The following ABL2 variants were observed in gnomAD, a reference collection of about 807,000 sequenced individuals.
The protein encoded by ABL2 is ABL proto-oncogene 2, non-receptor tyrosine kinase, also known as tyrosine-protein kinase ABL2.
A neutral mutation model predicts 107.7 loss-of-function variants in ABL2; 49 were observed. That is an observed-to-expected ratio of 0.45 (90% CI 0.36 to 0.58). The LOEUF (loss-of-function observed/expected upper bound fraction) is 0.58, where lower values mean the gene tolerates loss of function less well. Among genes scored for constraint, ABL2 ranks in the 20% least tolerant of loss-of-function variants. The pLI is 0.00. For synonymous variants in ABL2, 549 were observed against 548.6 expected (o/e 1.00, Z -0.01); for missense variants, 1,245 against 1,457.0 (o/e 0.85, Z 2.37).
intron 4 of ABL2, among the ~76,000 whole-genome samples, chr1:179,122,410 T>C (rs1271457231): frequency 2.0e-5 from 3 of 151,778 alleles, no homozygotes; most frequent in Non-Finnish European, 2.9e-5. Context: ...TGGGCCAGTA[T>C]ACCCAGCAAG....
intron 4 of ABL2, 124 bp from the exon 5 acceptor site, chr1:179,121,991 T>G: frequency 1.0e-6 from 1 of 965,570 alleles, no homozygotes. Flanking sequence ...ACTGGCGCGA[T>G]CTCGGCTCAC....
At chr1:179,199,170 T>C (rs890409388) in intron 1 of ABL2, among the ~76,000 whole-genome samples, 35 of 152,106 alleles carry the variant, frequency 2.3e-4, no homozygotes, top group African/African-American at 8.5e-4. Flanking sequence ...CTGGAAGCAT[T>C]TGTGATGAGG....
chr1:179,135,783 T>G (rs1456494647), intron 1 of ABL2, among the ~76,000 whole-genome samples: 200 of 60,832 alleles, frequency 3.3e-3, no homozygotes, highest in Middle Eastern at 0.011. Flanking sequence ...GGTGGGGGGG[T>G]CAGCCCCCCG....
intron 1 of ABL2, among the ~76,000 whole-genome samples, chr1:179,140,305 C>T (rs1033077094): frequency 2.4e-4 from 37 of 152,310 alleles, no homozygotes; most frequent in Middle Eastern, 3.4e-3. Flanking sequence ...GCCTAAAACA[C>T]TCTTCCCCAT....
chr1:179,140,115 C>T (rs11799509), intron 1 of ABL2, among the ~76,000 whole-genome samples: 3,345 of 152,296 alleles, frequency 0.022, 66 homozygotes, highest in Middle Eastern at 0.054. Context: ...TTCAAAGGTT[C>T]CCCATTTTAG....
At chr1:179,127,354 C>T (rs867772007) in intron 3 of ABL2, among the ~76,000 whole-genome samples, 6 of 152,118 alleles carry the variant, frequency 3.9e-5, no homozygotes, top group South Asian at 4.1e-4. Context: ...CTTCCTAGTT[C>T]CCACAAAGAA....
At chr1:179,178,363 C>T (rs985893141) in intron 1 of ABL2, among the ~76,000 whole-genome samples, 2 of 131,888 alleles carry the variant, frequency 1.5e-5, no homozygotes, top group Admixed American at 9.3e-5. Flanking sequence ...GATCCCGCCA[C>T]TGCATTCCAG....
At chr1:179,215,520 G>T (rs1436946814) in intron 1 of ABL2, among the ~76,000 whole-genome samples, 1 of 152,028 alleles carries the variant, frequency 6.6e-6, no homozygotes. Context: ...GATCACTTGA[G>T]GCCTGGAGTT....
chr1:179,099,959 G>T lies in ABL2; in HGVS notation c.*7759C>A. 4.3e-6 allele frequency: 1 copy of T among 232,588 alleles called. No homozygotes were observed. Among genetic ancestry groups the T allele is most frequent in the Non-Finnish European group, 8.5e-6 (1 of 117,634 alleles). The allele number at this position is 232,588 out of a possible 1,614,324, so 14.4% of individuals were successfully genotyped here. ...CGCCACTGCTGTTCATCCAAGGAAA[G>T]ATCTGAGCGATTCCTCTTTTACTTA... On this transcript the variant is annotated 3_prime_UTR_variant, in exon 12 of 12. Coordinates refer to ENST00000502732, the MANE Select transcript of ABL2 (RefSeq NM_007314.4).
chr1:179,201,366 CAACTTTTAA>C (rs1661657599), intron 1 of ABL2: 1 of 152,424 alleles, frequency 6.6e-6, no homozygotes, highest in Non-Finnish European at 1.5e-5. Flanking sequence ...TACTTATGCC[CAACTTTTAA>C]AACTTTTACA....
intron 1 of ABL2, among the ~76,000 whole-genome samples, chr1:179,224,483 G>C (rs915424194): frequency 4.6e-5 from 7 of 152,100 alleles, no homozygotes; most frequent in Non-Finnish European, 1.0e-4. Context: ...TGGCCAGGCT[G>C]ATCTCGAACT....
chr1:179,121,817 G>A lies in ABL2; in HGVS notation c.738C>T (p.His246=). The A allele has an allele frequency of 6.2e-7, 1 of 1,613,928 alleles. No individual in the cohort carries two copies. The highest frequency in any genetic ancestry group is 1.1e-5 in the South Asian group (1 of 91,066). ...SRFSTLAELV[H]HHSTVADGLV... The stretch of plus-strand genomic sequence containing the variant: ...GCCCATCAGCCACTGTGGAGTGATG[G>A]TGTACAAGCTCTGCCAAGGTGCTGA... The change falls in exon 5 of 12, where the codon CAC becomes CAT. Residue 246 remains histidine, a synonymous_variant. Transcript: ENST00000502732.
In ABL2 at chr1:179,110,153, G is replaced by A. The variant is rs994816505; in HGVS notation, c.1825+129C>T. 8.1e-6 allele frequency: 9 copies of A among 1,106,794 alleles called. No homozygotes were observed. In the Admixed American group the frequency reaches 1.9e-4, roughly 24 times the overall value. The allele number at this position is 1,106,794 out of a possible 1,614,324, so 68.6% of individuals were successfully genotyped here. On this transcript the variant is annotated intron_variant, in intron 11 of 11. Transcript: ENST00000502732. ...GGATGGATAGCCAAGGGCTTCATGG[G>A]TGGGTAAAAGAGACGCCATGCTTTC... is the stretch of plus-strand genomic sequence containing the variant.
At chr1:179,201,465 C>T (rs1661663500) in intron 1 of ABL2, 2 of 206,960 alleles carry the variant, frequency 9.7e-6, no homozygotes, top group Non-Finnish European at 9.7e-6. Flanking sequence ...GAGAAAAATC[C>T]CTTTAAGATT....
chr1:179,145,357 TTTTG>T (rs1157207276), intron 1 of ABL2, among the ~76,000 whole-genome samples: 5 of 152,314 alleles, frequency 3.3e-5, no homozygotes, highest in Admixed American at 1.3e-4. Context: ...TCCAAAGGCC[TTTTG>T]TTTATGTTAT....
Position 179,126,740 on chromosome 1 carries a change from C to T in ABL2, c.392-68G>A, listed in dbSNP as rs2102647098. ...ACTTTATTTCAACTGAAGCAGTGTACTGTCAAACTTTAAACTCATTAAAAA... is the reference window on the plus strand; with the variant it reads ...ACTTTATTTCAACTGAAGCAGTGTATTGTCAAACTTTAAACTCATTAAAAA... On this transcript the variant is annotated intron_variant, in intron 3 of 11. Coordinates refer to ENST00000502732, the MANE Select transcript of ABL2 (RefSeq NM_007314.4). The surrounding 1 kb of genome is among the most constrained non-coding windows in gnomAD (Gnocchi z 4.4). 4 of 1,395,308 alleles carry T rather than the reference C, an allele frequency of 2.9e-6. No individual in the cohort carries two copies. In the South Asian group the frequency reaches 4.4e-5, roughly 15 times the overall value. 86.4% of individuals were successfully genotyped at this position (1,395,308 alleles called of 1,614,324 possible).
Position 179,229,296 on chromosome 1 carries a change from C to A in ABL2, c.102G>T (p.Arg34Ser). ...CTGTGGTGCGCCCCGCCGGGTCCCG[C>A]CTGCGGCCGGAGGGCCTGGCTGCAC... ...GSSAARPSGRRRDPAGRTTET... is the reference protein window; with the variant it reads ...GSSAARPSGRSRDPAGRTTET... Residue 34 changes from arginine (R) to serine (S), a missense_variant, in exon 1 of 12, where the codon AGG becomes AGT. Arg to Ser is a moderately radical substitution (Grantham distance 110). Coordinates refer to ENST00000502732, the MANE Select transcript of ABL2 (RefSeq NM_007314.4). 1 of 1,577,632 alleles carries A rather than the reference C, an allele frequency of 6.3e-7. No individual in the cohort carries two copies. Among genetic ancestry groups the A allele is most frequent in the East Asian group, 2.3e-5 (1 of 42,600 alleles).
intron 1 of ABL2, among the ~76,000 whole-genome samples, chr1:179,153,321 G>A (rs1440892016): frequency 1.1e-4 from 16 of 151,956 alleles, no homozygotes. Flanking sequence ...GTTTCCTGCA[G>A]CTGCTATAAC....
At chr1:179,221,952 T>C (rs1183855988) in intron 1 of ABL2, 6 of 233,690 alleles carry the variant, frequency 2.6e-5, no homozygotes, top group South Asian at 1.6e-4. Context: ...CAGGATCTGT[T>C]TGAATTTATT....
Sources: allele counts gnomAD v4.1 joint callset (sites outside exome capture counted in the v4.1 genomes callset), GRCh38; gene constraint gnomAD v4.1.1; non-coding constraint Gnocchi (gnomAD v3.1); transcripts MANE v1.5; gene names NCBI Gene and HGNC (gene_info 2026-07-23, HGNC 2026-07-21).